CNTN5: variants seen among roughly 807,000 people sequenced by gnomAD.
CNTN5 encodes the protein contactin-5.
A neutral mutation model predicts 129.1 loss-of-function variants in CNTN5; 77 were observed. That is an observed-to-expected ratio of 0.60 (90% CI 0.50 to 0.72). CNTN5 has a LOEUF of 0.72. Among genes scored for constraint, CNTN5 ranks in the 30% least tolerant of loss-of-function variants. The pLI, the probability that CNTN5 is intolerant of heterozygous loss-of-function variation, is 0.00. For synonymous variants in CNTN5, 509 were observed against 465.6 expected (o/e 1.09, Z -1.20); for missense variants, 1,478 against 1,328.8 (o/e 1.11, Z -1.75).
intron 16 of CNTN5, among the ~76,000 whole-genome samples, chr11:100,231,340 G>A (rs905558630): frequency 3.3e-5 from 5 of 152,076 alleles, no homozygotes; most frequent in African/African-American, 1.2e-4. Context: ...AAATAAGAAG[G>A]GTCTTATAAA....
chr11:99,764,511 A>T (rs997363436), intron 3 of CNTN5, among the ~76,000 whole-genome samples: 12 of 152,096 alleles, frequency 7.9e-5, no homozygotes, highest in African/African-American at 2.9e-4. Flanking sequence ...CACCTCCCAG[A>T]TTCAAGGGAT....
chr11:99,332,148 T>C (rs2136028859), intron 2 of CNTN5, among the ~76,000 whole-genome samples: 1 of 152,272 alleles, frequency 6.6e-6, no homozygotes, highest in South Asian at 2.1e-4. Flanking sequence ...ATTCCACTAA[T>C]TTTTGACAAC....
At chr11:99,109,917 C>T (rs1315968342) in intron 1 of CNTN5, among the ~76,000 whole-genome samples, 1 of 152,050 alleles carries the variant, frequency 6.6e-6, no homozygotes, top group Non-Finnish European at 1.5e-5. Context: ...CTTTACTAAG[C>T]TCATCTATCA....
intron 7 of CNTN5, among the ~76,000 whole-genome samples, chr11:99,922,018 CA>C (rs1949951481): frequency 6.6e-6 from 1 of 152,084 alleles, no homozygotes; most frequent in Non-Finnish European, 1.5e-5. Context: ...GCTGAAGAAA[CA>C]GAATATATTA....
At chr11:99,182,123 A>G (rs1318985213) in intron 1 of CNTN5, among the ~76,000 whole-genome samples, 2 of 152,212 alleles carry the variant, frequency 1.3e-5, no homozygotes, top group Admixed American at 6.5e-5. Flanking sequence ...GTCTGTCAAG[A>G]GAAAGCCGAA....
At chr11:99,516,574 A>C (rs551439992) in intron 2 of CNTN5, among the ~76,000 whole-genome samples, 1 of 152,140 alleles carries the variant, frequency 6.6e-6, no homozygotes, top group East Asian at 1.9e-4. Context: ...CACAATCCAA[A>C]CTGAGAGCAT....
intron 7 of CNTN5, among the ~76,000 whole-genome samples, chr11:99,922,886 A>G (rs1405762884): frequency 1.3e-5 from 2 of 152,170 alleles, no homozygotes; most frequent in African/African-American, 4.8e-5. Context: ...AAGGTTTTAG[A>G]CAGTTTCTGT....
At chr11:99,973,770 G>C (rs1023816421) in intron 8 of CNTN5, among the ~76,000 whole-genome samples, 1 of 152,126 alleles carries the variant, frequency 6.6e-6, no homozygotes, top group Non-Finnish European at 1.5e-5. Context: ...ATCACGTACA[G>C]GATATTGAGG....
chr11:100,091,705 G>C (rs571722902), intron 13 of CNTN5, among the ~76,000 whole-genome samples: 51 of 152,086 alleles, frequency 3.4e-4, no homozygotes, highest in African/African-American at 1.2e-3. Flanking sequence ...GGGATTACAG[G>C]TGTAAGCCAC....
chr11:100,159,016 A>C (rs1164946944), intron 13 of CNTN5, among the ~76,000 whole-genome samples: 2 of 151,934 alleles, frequency 1.3e-5, no homozygotes, highest in Admixed American at 6.6e-5. Flanking sequence ...TATATCTAAC[A>C]ATATAGGTGA....
chr11:99,130,749 A>G (rs113515999), intron 1 of CNTN5, among the ~76,000 whole-genome samples: 125 of 152,308 alleles, frequency 8.2e-4, no homozygotes, highest in African/African-American at 3.0e-3. Flanking sequence ...AACTGAAATC[A>G]TAAGAAACAG....
At chr11:99,385,572 G>A (rs1940876926) in intron 2 of CNTN5, among the ~76,000 whole-genome samples, 1 of 152,206 alleles carries the variant, frequency 6.6e-6, no homozygotes, top group African/African-American at 2.4e-5. Context: ...AATAAAGTAT[G>A]ACATAGTAGA....
intron 3 of CNTN5, among the ~76,000 whole-genome samples, chr11:99,726,872 C>T (rs550852518): frequency 1.3e-5 from 2 of 152,146 alleles, no homozygotes; most frequent in East Asian, 3.9e-4. Flanking sequence ...TGATGATATC[C>T]TGTAAATTCT....
chr11:99,880,340 A>AGAAATAGTACTCATAGAATAAG (rs1555144690), intron 6 of CNTN5, among the ~76,000 whole-genome samples: 4 of 152,204 alleles, frequency 2.6e-5, no homozygotes, highest in African/African-American at 9.6e-5. Flanking sequence ...TCATAGAATA[A>AGAAATAGTACTCATAGAATAAG]GAAATAGTAC....
At chr11:100,053,160 A>G (rs1943044082) in intron 9 of CNTN5, among the ~76,000 whole-genome samples, 1 of 151,742 alleles carries the variant, frequency 6.6e-6, no homozygotes, top group South Asian at 2.1e-4. Context: ...AATACATAGA[A>G]CAATATCTCA....
rs1950833640 is a variant in CNTN5 at position 99,957,479 on chromosome 11, C to A, written c.877+470C>A. 1.3e-5 allele frequency among the ~76,000 whole-genome samples: 2 copies of A among 152,136 alleles called. 1 individual carries two copies. Among genetic ancestry groups the A allele is most frequent in the Admixed American group, 1.3e-4 (2 of 15,258 alleles). ...TTTCCAATAATAGGAGCAGTTGGAA[C>A]TGTAACTTTTAGGTGCAAATCAGGC... On this transcript the variant is annotated intron_variant, in intron 8 of 24. Coordinates refer to ENST00000524871, the MANE Select transcript of CNTN5 (RefSeq NM_014361.4).
intron 18 of CNTN5, among the ~76,000 whole-genome samples, chr11:100,284,003 A>G (rs1950706009): frequency 6.6e-6 from 1 of 152,196 alleles, no homozygotes; most frequent in Admixed American, 6.5e-5. Flanking sequence ...GGTGGGCATC[A>G]GCTGAATTTG....
intron 2 of CNTN5, among the ~76,000 whole-genome samples, chr11:99,339,968 T>C (rs1181418114): frequency 6.6e-6 from 1 of 152,056 alleles, no homozygotes; most frequent in Non-Finnish European, 1.5e-5. Context: ...TCACCCTCCG[T>C]AAGGGTATAT....
At chr11:99,820,970 A>T (rs914637714) in intron 4 of CNTN5, among the ~76,000 whole-genome samples, 1 of 152,200 alleles carries the variant, frequency 6.6e-6, no homozygotes, top group Non-Finnish European at 1.5e-5. Context: ...CATGTGCAGC[A>T]TTGTCTCGTA....
Sources: allele counts gnomAD v4.1 joint callset (sites outside exome capture counted in the v4.1 genomes callset), GRCh38; gene constraint gnomAD v4.1.1; transcripts MANE v1.5; gene names NCBI Gene and HGNC (gene_info 2026-07-23, HGNC 2026-07-21).